The following SLC24A3 variants were observed in gnomAD, a reference collection of about 807,000 sequenced individuals.
SLC24A3 encodes solute carrier family 24 member 3.
SLC24A3 carries 28 observed loss-of-function variants against 75.8 expected under a neutral mutation model. The observed-to-expected ratio is 0.37, with a 90% CI of 0.27 to 0.51. The LOEUF (loss-of-function observed/expected upper bound fraction) is 0.51. Ranked by LOEUF, SLC24A3 falls within the 20% of genes least tolerant of loss-of-function variation. The pLI is 0.94. For synonymous variants in SLC24A3, 372 were observed against 334.1 expected (o/e 1.11, Z -1.24); for missense variants, 663 against 847.8 (o/e 0.78, Z 2.71).
At chr20:19,702,257 T>C (rs2032883019) in intron 15 of SLC24A3, among the ~76,000 whole-genome samples, 3 of 152,172 alleles carry the variant, frequency 2.0e-5, no homozygotes, top group Non-Finnish European at 1.5e-5. Flanking sequence ...TTCCCAGAGC[T>C]ATGAAAGTAT....
At chr20:19,250,395 C>T (rs1982615548) in intron 1 of SLC24A3, among the ~76,000 whole-genome samples, 1 of 152,212 alleles carries the variant, frequency 6.6e-6, no homozygotes, top group Non-Finnish European at 1.5e-5. Flanking sequence ...TTAAACAGAA[C>T]AATCAGCTAA....
chr20:19,500,291 G>A (rs1043792062), intron 2 of SLC24A3, among the ~76,000 whole-genome samples: 1 of 152,120 alleles, frequency 6.6e-6, no homozygotes, highest in African/African-American at 2.4e-5. Flanking sequence ...GTGGATACTC[G>A]GCCGCCACCT....
At chr20:19,500,680 T>G (rs537128602) in intron 2 of SLC24A3, among the ~76,000 whole-genome samples, 90 of 152,198 alleles carry the variant, frequency 5.9e-4, no homozygotes, top group Non-Finnish European at 4.8e-4. Context: ...TAAATTCCTT[T>G]CCATCCTTGA....
At chr20:19,352,310 G>A (rs990981558) in intron 2 of SLC24A3, among the ~76,000 whole-genome samples, 1 of 152,182 alleles carries the variant, frequency 6.6e-6, no homozygotes, top group South Asian at 2.1e-4. Context: ...CAGTTCTGCA[G>A]AGAGTCTCAG....
intron 2 of SLC24A3, among the ~76,000 whole-genome samples, chr20:19,425,490 T>C (rs986030611): frequency 6.6e-6 from 1 of 152,178 alleles, no homozygotes; most frequent in African/African-American, 2.4e-5. Flanking sequence ...CATTATTAGA[T>C]TAAGGTCAAA....
intron 2 of SLC24A3, among the ~76,000 whole-genome samples, chr20:19,350,241 G>C (rs946546715): frequency 1.3e-5 from 2 of 152,180 alleles, no homozygotes; most frequent in African/African-American, 4.8e-5. Flanking sequence ...GGTAAAAAGA[G>C]CACTTTATTA....
chr20:19,699,887 A>T (rs1443185012), intron 15 of SLC24A3, among the ~76,000 whole-genome samples: 1 of 152,190 alleles, frequency 6.6e-6, no homozygotes, highest in African/African-American at 2.4e-5. Flanking sequence ...ATGATGCCTG[A>T]ATCTCAGAAC....
intron 2 of SLC24A3, among the ~76,000 whole-genome samples, chr20:19,438,333 G>C (rs752116212): frequency 6.6e-6 from 1 of 152,164 alleles, no homozygotes. Flanking sequence ...TTGTACAGCC[G>C]TTATTTCTGA....
intron 1 of SLC24A3, among the ~76,000 whole-genome samples, chr20:19,238,045 G>A (rs1247718599): frequency 6.6e-6 from 1 of 152,212 alleles, no homozygotes; most frequent in African/African-American, 2.4e-5. Flanking sequence ...TTCAATATAT[G>A]TACAGAAAAG....
chr20:19,396,878 C>G (rs890256317), intron 2 of SLC24A3, among the ~76,000 whole-genome samples: 1 of 152,172 alleles, frequency 6.6e-6, no homozygotes, highest in South Asian at 2.1e-4. Context: ...ACTTGCCAAC[C>G]TCATGTGTGA....
intron 2 of SLC24A3, among the ~76,000 whole-genome samples, chr20:19,460,181 A>G (rs2206639): frequency 0.55 from 82,789 of 151,890 alleles, 22,852 homozygotes; most frequent in Non-Finnish European, 0.58. Flanking sequence ...ACAGGCACCT[A>G]AGCGTGGGCG....
rs371431131 is a variant in SLC24A3, at chr20:19,246,805, A to G, written c.142+33821A>G. Among the ~76,000 whole-genome samples the G allele has an allele frequency of 2.1e-3, 315 of 152,096 alleles. 9 individuals are homozygous for G. In the South Asian group the frequency reaches 0.058, roughly 28 times the overall value. On this transcript the variant is annotated intron_variant, in intron 1 of 16. Coordinates refer to ENST00000328041, the MANE Select transcript of SLC24A3 (RefSeq NM_020689.4). Reference sequence around the variant, plus strand: ...TATCCCTTTCTCTATCTCTATCTCTATCTCCATCTCTGTCTGTCTCTATCT... The same window carrying G: ...TATCCCTTTCTCTATCTCTATCTCTGTCTCCATCTCTGTCTGTCTCTATCT...
chr20:19,696,016 T>TTTC lies in SLC24A3; in HGVS notation c.1492-779_1492-778insCTT, dbSNP rs386393481. Among the ~76,000 whole-genome samples the TTTC allele has an allele frequency of 1.3e-3, 25 of 19,346 alleles. No individual in the cohort carries two copies. In the South Asian group the frequency reaches 0.037, roughly 29 times the overall value. The allele number at this position is 19,346 out of a possible 152,430, so 12.7% of individuals were successfully genotyped here. ...TGGCTTTCCCCTTTTTTTCCTTTTC[T>TTTC]TTTTTTTTTTTTTTTTTGTGAGACA... On this transcript the variant is annotated intron_variant, in intron 13 of 16. Transcript: ENST00000328041.
intron 15 of SLC24A3, among the ~76,000 whole-genome samples, chr20:19,714,448 A>T (rs913068627): frequency 2.6e-5 from 4 of 151,274 alleles, no homozygotes; most frequent in African/African-American, 7.3e-5. Flanking sequence ...GGCAATGGCA[A>T]TGACTCCTGC....
intron 1 of SLC24A3, among the ~76,000 whole-genome samples, chr20:19,269,525 T>A (rs1325375875): frequency 6.6e-6 from 1 of 152,244 alleles, no homozygotes; most frequent in African/African-American, 2.4e-5. Context: ...AGGCCCACAT[T>A]GTTTCCATTA....
intron 2 of SLC24A3, among the ~76,000 whole-genome samples, chr20:19,315,288 G>T (rs558517851): frequency 2.1e-3 from 325 of 152,304 alleles, no homozygotes; most frequent in Non-Finnish European, 3.6e-3. Context: ...TGCGGCAGCA[G>T]CCTGGCAGTG....
intron 2 of SLC24A3, among the ~76,000 whole-genome samples, chr20:19,401,951 T>C (rs1986559117): frequency 6.6e-6 from 1 of 152,178 alleles, no homozygotes. Context: ...CTGTCTCATT[T>C]CTCTACCTCC....
In SLC24A3 at chr20:19,711,360, A is replaced by G. The variant is rs530182999; in HGVS notation, c.1720-6168A>G. Among the ~76,000 whole-genome samples the G allele has an allele frequency of 2.3e-4, 35 of 151,836 alleles. 1 individual carries two copies. The South Asian group carries it at 6.0e-3, about 26-fold the overall frequency. On this transcript the variant is annotated intron_variant, in intron 15 of 16. Transcript: ENST00000328041. Reference sequence around the variant, plus strand: ...ACGTGCAAACATACCACACACATGCATGCACACATGCAAGCAAACGCACAC... The same window carrying G: ...ACGTGCAAACATACCACACACATGCGTGCACACATGCAAGCAAACGCACAC...
At chr20:19,323,686 G>T (rs887392767) in intron 2 of SLC24A3, among the ~76,000 whole-genome samples, 4 of 152,068 alleles carry the variant, frequency 2.6e-5, no homozygotes, top group African/African-American at 4.8e-5. Flanking sequence ...GACCTAAGGG[G>T]GACTTTAGCT....
Sources: allele counts gnomAD v4.1 joint callset (sites outside exome capture counted in the v4.1 genomes callset), GRCh38; gene constraint gnomAD v4.1.1; transcripts MANE v1.5; gene names NCBI Gene and HGNC (gene_info 2026-07-23, HGNC 2026-07-21).